Variants in ST6GALNAC3 observed in about 807,000 individuals in gnomAD.
ST6GALNAC3 encodes the protein alpha-N-acetylgalactosaminide alpha-2,6-sialyltransferase 3.
A neutral mutation model predicts 32.7 loss-of-function variants in ST6GALNAC3; 25 were observed. That is an observed-to-expected ratio of 0.76 (90% CI 0.56 to 1.07). The LOEUF (loss-of-function observed/expected upper bound fraction) is 1.07. ST6GALNAC3 is among the 50% of genes least tolerant of loss of function. The pLI, the probability that ST6GALNAC3 is intolerant of heterozygous loss-of-function variation, is 0.00. For missense variants in ST6GALNAC3, 355 were observed against 382.4 expected, an observed-to-expected ratio of 0.93 and a Z score of 0.60; for synonymous variants, 129 against 133.1, an observed-to-expected ratio of 0.97 and a Z score of 0.21.
chr1:76,558,225 C>T (rs987231112), intron 3 of ST6GALNAC3, among the ~76,000 whole-genome samples: 1 of 152,160 alleles, frequency 6.6e-6, no homozygotes, highest in East Asian at 1.9e-4. Flanking sequence ...CCTTTCAACT[C>T]AGCAATCCTA....
intron 3 of ST6GALNAC3, among the ~76,000 whole-genome samples, chr1:76,602,190 T>G (rs1401509379): frequency 6.6e-6 from 1 of 152,098 alleles, no homozygotes; most frequent in Admixed American, 6.6e-5. Context: ...CACATAGGAA[T>G]GAGTTTCAGT....
chr1:76,101,766 T>G (rs1234720203), intron 1 of ST6GALNAC3, among the ~76,000 whole-genome samples: 1 of 152,182 alleles, frequency 6.6e-6, no homozygotes, highest in Non-Finnish European at 1.5e-5. Flanking sequence ...TTAAGAGCAG[T>G]TTCTAATTTC....
At chr1:76,112,416 G>C (rs1648076176) in intron 1 of ST6GALNAC3, among the ~76,000 whole-genome samples, 1 of 145,602 alleles carries the variant, frequency 6.9e-6, no homozygotes, top group East Asian at 2.1e-4. Flanking sequence ...GGCCGGGCGG[G>C]GGGCTAACCC....
chr1:76,538,321 A>T (rs919947946), intron 3 of ST6GALNAC3, among the ~76,000 whole-genome samples: 1 of 152,040 alleles, frequency 6.6e-6, no homozygotes, highest in African/African-American at 2.4e-5. Flanking sequence ...ATTCAACATG[A>T]CTTCATGTTA....
chr1:76,438,714 C>A (rs1257190611), intron 3 of ST6GALNAC3, among the ~76,000 whole-genome samples: 3 of 152,148 alleles, frequency 2.0e-5, no homozygotes, highest in Non-Finnish European at 2.9e-5. Flanking sequence ...TCCTCAGTAC[C>A]TCTCCTCTGA....
intron 1 of ST6GALNAC3, among the ~76,000 whole-genome samples, chr1:76,140,367 G>C (rs1434042020): frequency 6.6e-6 from 1 of 152,068 alleles, no homozygotes; most frequent in Non-Finnish European, 1.5e-5. Context: ...GCCAGGTAAG[G>C]GGCAGGAAAA....
At chr1:76,549,271 G>A (rs530363433) in intron 3 of ST6GALNAC3, among the ~76,000 whole-genome samples, 36 of 152,082 alleles carry the variant, frequency 2.4e-4, no homozygotes, top group African/African-American at 2.2e-4. Flanking sequence ...TGATGTCCCC[G>A]TGTCCCTTCC....
chr1:76,291,521 A>G (rs1470463891), intron 1 of ST6GALNAC3, among the ~76,000 whole-genome samples: 1 of 152,248 alleles, frequency 6.6e-6, no homozygotes, highest in East Asian at 1.9e-4. Context: ...AAGAGGAATA[A>G]CAGACATGAA....
chr1:76,521,396 G>A (rs1343311931), intron 3 of ST6GALNAC3, among the ~76,000 whole-genome samples: 1 of 151,934 alleles, frequency 6.6e-6, no homozygotes, highest in African/African-American at 2.4e-5. Context: ...GAGATTGATA[G>A]AGAGCCTCAC....
chr1:76,504,598 A>T (rs1051402329), intron 3 of ST6GALNAC3, among the ~76,000 whole-genome samples: 1 of 152,138 alleles, frequency 6.6e-6, no homozygotes, highest in African/African-American at 2.4e-5. Flanking sequence ...AAGAAACCCA[A>T]CTGATGCTCG....
chr1:76,137,359 T>C (rs1295012764), intron 1 of ST6GALNAC3, among the ~76,000 whole-genome samples: 1 of 152,208 alleles, frequency 6.6e-6, no homozygotes, highest in Non-Finnish European at 1.5e-5. Flanking sequence ...GCCAGTTGCA[T>C]GTAGATGAGA....
chr1:76,613,138 C>G (rs1367431645), intron 3 of ST6GALNAC3, among the ~76,000 whole-genome samples: 1 of 152,152 alleles, frequency 6.6e-6, no homozygotes, highest in African/African-American at 2.4e-5. Context: ...ACAAATGACA[C>G]TCTTAATTTT....
intron 3 of ST6GALNAC3, among the ~76,000 whole-genome samples, chr1:76,493,720 A>T (rs2101700070): frequency 6.6e-6 from 1 of 152,072 alleles, no homozygotes; most frequent in East Asian, 1.9e-4. Context: ...TGATTTCAGG[A>T]TCTGTTTAAC....
At chr1:76,530,155 A>G (rs1663167376) in intron 3 of ST6GALNAC3, among the ~76,000 whole-genome samples, 1 of 152,208 alleles carries the variant, frequency 6.6e-6, no homozygotes. Flanking sequence ...GAAATAGGTT[A>G]GCAAAATGGT....
chr1:76,278,804 A>T (rs191528262), intron 1 of ST6GALNAC3, among the ~76,000 whole-genome samples: 1 of 152,288 alleles, frequency 6.6e-6, no homozygotes, highest in African/African-American at 2.4e-5. Flanking sequence ...TAGGAAAGCC[A>T]AGTAATTTAC....
At chr1:76,347,474 C>T (rs1240514930) in intron 2 of ST6GALNAC3, among the ~76,000 whole-genome samples, 2 of 151,704 alleles carry the variant, frequency 1.3e-5, no homozygotes, top group Non-Finnish European at 2.9e-5. Flanking sequence ...ATACATCCCC[C>T]TATGTATTTG....
intron 1 of ST6GALNAC3, among the ~76,000 whole-genome samples, chr1:76,112,750 G>C (rs1197840541): frequency 6.6e-6 from 1 of 151,242 alleles, no homozygotes; most frequent in African/African-American, 2.4e-5. Context: ...GGGCGGCAGG[G>C]CAGAGGCGCT....
In ST6GALNAC3 at chr1:76,083,201, G is replaced by A. The variant is rs1374297638; in HGVS notation, c.18+8317G>A. On this transcript the variant is annotated intron_variant, in intron 1 of 4. Transcript: ENST00000328299. ...GGGTTGGAAATGAGTCCTGATCTGG[G>A]ATTAAAACCTGGTTGCAATACTCAT... is the stretch of plus-strand genomic sequence containing the variant. 2.0e-5 allele frequency among the ~76,000 whole-genome samples: 3 copies of A among 152,196 alleles called. No individual in the cohort carries two copies. In the East Asian group the frequency reaches 5.8e-4, roughly 29 times the overall value.
At chr1:76,598,677 T>C (rs1431176174) in intron 3 of ST6GALNAC3, among the ~76,000 whole-genome samples, 1 of 152,042 alleles carries the variant, frequency 6.6e-6, no homozygotes, top group Non-Finnish European at 1.5e-5. Context: ...GTGATTCAGA[T>C]GTGCCTTGTA....
Sources: gnomAD v4.1 joint callset for allele counts (sites outside exome capture counted in the v4.1 genomes callset) on GRCh38, gnomAD v4.1.1 for gene constraint, MANE v1.5 for transcripts, NCBI Gene and HGNC (gene_info 2026-07-23, HGNC 2026-07-21) for gene names.